The following DLG2 variants were observed in gnomAD, a reference collection of about 807,000 sequenced individuals.
DLG2 encodes disks large homolog 2.
A neutral mutation model predicts 132.5 loss-of-function variants in DLG2; 45 were observed. That is an observed-to-expected ratio of 0.34 (90% CI 0.27 to 0.44). DLG2 has a LOEUF of 0.44. Ranked by LOEUF, DLG2 falls within the 20% of genes least tolerant of loss-of-function variation. The probability of loss-of-function intolerance (pLI) is 1.00; values close to 1 mark genes in which losing one functional copy is unlikely to be tolerated. For missense variants in DLG2, 1,045 were observed against 1,196.9 expected, an observed-to-expected ratio of 0.87 and a Z score of 1.87; for synonymous variants, 424 against 419.6, an observed-to-expected ratio of 1.01 and a Z score of -0.13.
At chr11:85,050,551 A>G (rs2062794414) in intron 6 of DLG2, among the ~76,000 whole-genome samples, 1 of 152,050 alleles carries the variant, frequency 6.6e-6, no homozygotes, top group South Asian at 2.1e-4. Context: ...TCCTCTCATG[A>G]TAGGTTTCAA....
chr11:84,771,169 T>C (rs140402445), intron 6 of DLG2, among the ~76,000 whole-genome samples: 1 of 152,168 alleles, frequency 6.6e-6, no homozygotes, highest in Non-Finnish European at 1.5e-5. Context: ...GGCATTTCTG[T>C]CTTTAGGACT....
intron 6 of DLG2, among the ~76,000 whole-genome samples, chr11:84,758,580 T>C (rs1227067670): frequency 2.6e-5 from 4 of 152,188 alleles, no homozygotes; most frequent in African/African-American, 9.6e-5. Context: ...TCTTACCCTA[T>C]AGTTTTCTCC....
rs1555384682 is a variant in DLG2 at position 85,146,227 on chromosome 11, C to CTCTCTCTCT, written c.282+8328_282+8329insAGAGAGAGA. On this transcript the variant is annotated intron_variant, in intron 5 of 27. Coordinates refer to ENST00000376104, the MANE Select transcript of DLG2 (RefSeq NM_001142699.3). The stretch of plus-strand genomic sequence containing the variant: ...AAGTCTGTCTGTATGTCTGTTTCTC[C>CTCTCTCTCT]CTCTCTCTCTCTCTCTCTCTCTCTC... Among the ~76,000 whole-genome samples, 763 of 129,188 alleles carry CTCTCTCTCT rather than the reference C, an allele frequency of 5.9e-3. 12 individuals are homozygous for CTCTCTCTCT. The highest frequency in any genetic ancestry group is 0.014 in the Admixed American group (183 of 13,138). The allele number at this position is 129,188 out of a possible 152,430, so 84.8% of individuals were successfully genotyped here.
chr11:84,341,386 T>C (rs1417162274), intron 7 of DLG2, among the ~76,000 whole-genome samples: 1 of 152,114 alleles, frequency 6.6e-6, no homozygotes, highest in Non-Finnish European at 1.5e-5. Context: ...GGCAAGGTAA[T>C]AGACTGAAAT....
At chr11:85,028,740 G>C (rs7131533) in intron 6 of DLG2, among the ~76,000 whole-genome samples, 79,676 of 151,986 alleles carry the variant, frequency 0.52, 21,274 homozygotes, top group East Asian at 0.66. Flanking sequence ...GGGGGCCAGG[G>C]CTGGAGAGGG....
intron 3 of DLG2, among the ~76,000 whole-genome samples, chr11:85,372,620 T>A (rs371815): frequency 0.59 from 89,017 of 152,124 alleles, 26,907 homozygotes; most frequent in Middle Eastern, 0.72. Context: ...AAAGCCACAT[T>A]AATATCCATG....
chr11:85,226,898 G>C (rs984765277), intron 4 of DLG2, among the ~76,000 whole-genome samples: 59 of 152,242 alleles, frequency 3.9e-4, no homozygotes, highest in African/African-American at 1.4e-3. Flanking sequence ...GATATTGTCT[G>C]TGGTAGTTTA....
intron 3 of DLG2, among the ~76,000 whole-genome samples, chr11:85,479,841 C>T (rs1040562143): frequency 4.6e-5 from 7 of 152,158 alleles, no homozygotes; most frequent in Admixed American, 1.3e-4. Context: ...TTGTAGATGG[C>T]TGTCTTCTCC....
intron 3 of DLG2, among the ~76,000 whole-genome samples, chr11:85,472,171 G>T (rs753232696): frequency 1.3e-5 from 2 of 152,096 alleles, no homozygotes; most frequent in Non-Finnish European, 2.9e-5. Flanking sequence ...TTCCAGTGCT[G>T]CCCATGGACC....
intron 3 of DLG2, among the ~76,000 whole-genome samples, chr11:85,501,279 C>T (rs530516860): frequency 5.9e-5 from 9 of 151,882 alleles, no homozygotes; most frequent in Non-Finnish European, 1.3e-4. Context: ...CAACATGGAC[C>T]AAAGACTTAA....
At chr11:84,960,278 T>C (rs189113839) in intron 6 of DLG2, among the ~76,000 whole-genome samples, 2 of 152,256 alleles carry the variant, frequency 1.3e-5, no homozygotes, top group East Asian at 1.9e-4. Context: ...CATCCTGGTA[T>C]ACTCCAAATC....
intron 4 of DLG2, among the ~76,000 whole-genome samples, chr11:85,170,427 T>C (rs1196416113): frequency 1.3e-5 from 2 of 152,148 alleles, no homozygotes; most frequent in East Asian, 3.9e-4. Context: ...CTAGTTTCTA[T>C]GACTCACCCA....
At chr11:85,167,957 A>T (rs1486561671) in intron 4 of DLG2, among the ~76,000 whole-genome samples, 2 of 152,154 alleles carry the variant, frequency 1.3e-5, no homozygotes, top group Non-Finnish European at 2.9e-5. Flanking sequence ...TCCTCTGCTG[A>T]AATAATAATA....
At chr11:84,451,444 G>A (rs897347599) in intron 7 of DLG2, among the ~76,000 whole-genome samples, 1 of 151,774 alleles carries the variant, frequency 6.6e-6, no homozygotes, top group African/African-American at 2.4e-5. Context: ...GCCCTTGGGA[G>A]CTTATGCTGT....
chr11:84,766,861 TAAAC>T (rs936912839), intron 6 of DLG2, among the ~76,000 whole-genome samples: 2 of 152,206 alleles, frequency 1.3e-5, no homozygotes, highest in Middle Eastern at 3.4e-3. Flanking sequence ...TAAATAATCA[TAAAC>T]AAAGTAGAAA....
At chr11:83,863,063 A>C (rs1334578712) in intron 16 of DLG2, among the ~76,000 whole-genome samples, 1 of 152,184 alleles carries the variant, frequency 6.6e-6, no homozygotes, top group Admixed American at 6.5e-5. Context: ...AATCAAGAAG[A>C]GATACTGGCA....
chr11:85,208,401 GCGTATA>G (rs2082040691), intron 4 of DLG2, among the ~76,000 whole-genome samples: 1 of 151,890 alleles, frequency 6.6e-6, no homozygotes, highest in Non-Finnish European at 1.5e-5. Context: ...TGATATGCTA[GCGTATA>G]CTAAGATACC....
At chr11:84,301,667 A>G (rs1216919935) in intron 7 of DLG2, among the ~76,000 whole-genome samples, 1 of 151,092 alleles carries the variant, frequency 6.6e-6, no homozygotes, top group Admixed American at 6.6e-5. Flanking sequence ...AAAAAAAAAA[A>G]AAAAAAAAAG....
chr11:85,626,790 C>G (rs1185388510), intron 1 of DLG2, 37 bp from the exon 2 acceptor site: 1 of 152,088 alleles, frequency 6.6e-6, no homozygotes, highest in African/African-American at 2.4e-5. Flanking sequence ...GTATTTTTTC[C>G]ACAACTAAAC....
Sources: allele counts gnomAD v4.1 joint callset (sites outside exome capture counted in the v4.1 genomes callset), GRCh38; gene constraint gnomAD v4.1.1; transcripts MANE v1.5; gene names NCBI Gene and HGNC (gene_info 2026-07-23, HGNC 2026-07-21).